The following OTOG variants were observed in gnomAD, a reference collection of about 807,000 sequenced individuals.
OTOG encodes the protein otogelin.
In OTOG, 296 loss-of-function variants were observed where a neutral mutation model predicts 313.8. The ratio of observed to expected loss-of-function variants is 0.94; its 90% CI spans 0.86 to 1.04. The LOEUF is 1.04. Among genes scored for constraint, OTOG ranks in the 50% least tolerant of loss-of-function variants. The probability of loss-of-function intolerance (pLI) is 0.00; values close to 1 mark genes in which losing one functional copy is unlikely to be tolerated. For missense variants in OTOG, 3,948 were observed against 3,840.1 expected (o/e 1.03, Z -0.74); for synonymous variants, 1,533 against 1,554.9 (o/e 0.99, Z 0.33).
At chr11:17,562,068 T>TAC (rs1852202050) in intron 15 of OTOG, among the ~76,000 whole-genome samples, 1 of 146,802 alleles carries the variant, frequency 6.8e-6, no homozygotes, top group Admixed American at 6.8e-5. Flanking sequence ...TATATATATA[T>TAC]ATATGTATGT....
chr11:17,645,208 G>T (rs927334809), intron 54 of OTOG, among the ~76,000 whole-genome samples: 1 of 152,200 alleles, frequency 6.6e-6, no homozygotes, highest in African/African-American at 2.4e-5. Flanking sequence ...CTCAGAGAGG[G>T]GTAAGGGTAA....
chr11:17,595,141 G>C (rs1353841912), intron 28 of OTOG, among the ~76,000 whole-genome samples: 1 of 152,160 alleles, frequency 6.6e-6, no homozygotes, highest in African/African-American at 2.4e-5. Flanking sequence ...AACTGCTCCA[G>C]GTGGGGCAGG....
intron 3 of OTOG, among the ~76,000 whole-genome samples, chr11:17,551,652 T>C (rs2133995212): frequency 6.6e-6 from 1 of 152,008 alleles, no homozygotes; most frequent in South Asian, 2.1e-4. Flanking sequence ...TGTAAGGCTG[T>C]GGAGGACATA....
At chr11:17,588,221 C>A (rs1474790467) in intron 24 of OTOG, among the ~76,000 whole-genome samples, 2 of 152,174 alleles carry the variant, frequency 1.3e-5, no homozygotes, top group African/African-American at 4.8e-5. Context: ...TGTAAAAATT[C>A]TACCTCCTAA....
chr11:17,599,470 T>C (rs1037205373), intron 30 of OTOG, among the ~76,000 whole-genome samples: 2 of 152,222 alleles, frequency 1.3e-5, no homozygotes, highest in African/African-American at 4.8e-5. Flanking sequence ...CCTCGTGCTG[T>C]CGGCCCAGAG....
chr11:17,550,494 G>A (rs964182783), intron 3 of OTOG, among the ~76,000 whole-genome samples: 133 of 152,286 alleles, frequency 8.7e-4, no homozygotes, highest in East Asian at 7.7e-4. Context: ...TGATTGATTA[G>A]CCCCTGAAGA....
At chr11:17,640,631 C>G (rs202143724) in intron 49 of OTOG, 114 bp from the exon 50 acceptor site, 7 of 1,152,614 alleles carry the variant, frequency 6.1e-6, no homozygotes, top group South Asian at 3.1e-5. Flanking sequence ...TGCCAGCCCC[C>G]CTCCTGCCCA....
chr11:17,593,126 C>A, intron 25 of OTOG, 67 bp from the exon 26 acceptor site: 1 of 1,463,452 alleles, frequency 6.8e-7, no homozygotes, highest in Non-Finnish European at 9.2e-7. Context: ...TGTTCCTCCA[C>A]CTCTGTACCT....
chr11:17,641,170 G>A, intron 51 of OTOG, 79 bp downstream of exon 51: 1 of 1,432,906 alleles, frequency 7.0e-7, no homozygotes, highest in Non-Finnish European at 9.3e-7. Context: ...GGAGCCAGAG[G>A]GGCCCTTGAA....
chr11:17,642,565 A>G (rs1046398027), intron 53 of OTOG, among the ~76,000 whole-genome samples: 1 of 152,158 alleles, frequency 6.6e-6, no homozygotes, highest in Non-Finnish European at 1.5e-5. Flanking sequence ...CATTCACATC[A>G]GCATGCCAAT....
At chr11:17,613,199 CTTTCTTTCTTTCTTT>C (rs1853618952) in intron 38 of OTOG, among the ~76,000 whole-genome samples, 1 of 57,226 alleles carries the variant, frequency 1.7e-5, no homozygotes, top group Non-Finnish European at 3.2e-5. Context: ...TCTTTCTTTT[CTTTCTTTCTTTCTTT>C]CTTTCTTTCT....
Position 17,634,848 on chromosome 11 carries a change from T to C in OTOG, c.7485T>C (p.Cys2495=). 2 of 1,548,872 alleles carry C rather than the reference T, an allele frequency of 1.3e-6. No individual in the cohort carries two copies. The highest frequency in any genetic ancestry group is 1.7e-6 in the Non-Finnish European group (2 of 1,146,410). ...DPCCLGTVCV[C]NQTLCEGLAP... ...CCCTGTGGTCCCCGGGGCCAGTGTG[T>C]AACCAGACTCTGTGTGAGGGTCTCG... The change falls in exon 45 of 56, where the codon TGT becomes TGC. Residue 2495 remains cysteine (C), a synonymous_variant. Coordinates refer to ENST00000399397, the MANE Select transcript of OTOG (RefSeq NM_001292063.2).
At chr11:17,576,488 C>A in intron 20 of OTOG, 68 bp from the exon 21 acceptor site, 1 of 1,340,174 alleles carries the variant, frequency 7.5e-7, no homozygotes, top group Non-Finnish European at 1.0e-6. Flanking sequence ...GGTGGGGTCC[C>A]TGTCCTTGGC....
rs1853497015 is a variant in OTOG, at chr11:17,610,292, C to A, written c.4992C>A (p.His1664Gln). Residue 1664 changes from histidine (H) to glutamine (Q), a missense_variant, in exon 36 of 56, where the codon CAC (histidine) becomes CAA (glutamine). Coordinates refer to ENST00000399397, the MANE Select transcript of OTOG (RefSeq NM_001292063.2). Reference protein sequence around the residue: ...ISRSPTSSGSHKAVLTPAVTK... With the variant: ...ISRSPTSSGSQKAVLTPAVTK... ...GGTCCCCCACCTCCTCGGGATCCCA[C>A]AAGGCTGTGCTGACACCTGCAGTAA... The A allele has an allele frequency of 2.6e-6, 4 of 1,550,616 alleles. No homozygotes were observed. Among genetic ancestry groups the A allele is most frequent in the Non-Finnish European group, 3.5e-6 (4 of 1,147,008 alleles).
intron 47 of OTOG, among the ~76,000 whole-genome samples, chr11:17,637,476 T>A (rs1480263726): frequency 1.3e-5 from 2 of 152,192 alleles, no homozygotes; most frequent in East Asian, 3.8e-4. Context: ...ACTTCACCAG[T>A]TGCTTTCTTT....
At chr11:17,645,224 C>A (rs1848048978) in intron 54 of OTOG, among the ~76,000 whole-genome samples, 1 of 152,168 alleles carries the variant, frequency 6.6e-6, no homozygotes, top group African/African-American at 2.4e-5. Flanking sequence ...GGTAAAGTGG[C>A]CAACACAGCT....
intron 3 of OTOG, among the ~76,000 whole-genome samples, chr11:17,548,889 C>G (rs1851871289): frequency 6.6e-6 from 1 of 151,990 alleles, no homozygotes; most frequent in Non-Finnish European, 1.5e-5. Context: ...GGTTGAATTT[C>G]AATTTTTTTG....
intron 1 of OTOG, 158 bp downstream of exon 1, chr11:17,547,624 C>G: frequency 8.1e-7 from 1 of 1,241,258 alleles, no homozygotes; most frequent in Non-Finnish European, 1.0e-6. Flanking sequence ...GAGGAGGGAC[C>G]CCGAAGCCAA....
At chr11:17,561,835 T>C (rs1852193105) in intron 15 of OTOG, 28 bp downstream of exon 15, 1 of 1,549,236 alleles carries the variant, frequency 6.5e-7, no homozygotes, top group Non-Finnish European at 8.7e-7. Context: ...CCAGGCCCGA[T>C]CCACCCAGCT....
Sources: gnomAD v4.1 joint callset for allele counts (sites outside exome capture counted in the v4.1 genomes callset) on GRCh38, gnomAD v4.1.1 for gene constraint, MANE v1.5 for transcripts, NCBI Gene and HGNC (gene_info 2026-07-23, HGNC 2026-07-21) for gene names.